Variants in TLN2 observed in about 807,000 individuals in gnomAD.
TLN2 encodes the protein talin-2.
In TLN2, 118 loss-of-function variants were observed where a neutral mutation model predicts 294.7. The observed-to-expected ratio is 0.40, with a 90% CI of 0.34 to 0.47. The LOEUF (loss-of-function observed/expected upper bound fraction) is 0.47, where lower values mean the gene tolerates loss of function less well. TLN2 is among the 20% of genes least tolerant of loss of function. The pLI is 0.84. For synonymous variants in TLN2, 1,431 were observed against 1,304.5 expected (o/e 1.10, Z -2.09); for missense variants, 3,083 against 3,282.2 (o/e 0.94, Z 1.48).
At chr15:62,761,531 T>A in intron 37 of TLN2, 150 bp from the exon 38 acceptor site, 1 of 1,078,832 alleles carries the variant, frequency 9.3e-7, no homozygotes. Flanking sequence ...AGGGGTCTCT[T>A]TCATCAGTTC....
chr15:62,532,596 G>C (rs2041109154), intron 1 of TLN2, among the ~76,000 whole-genome samples: 1 of 152,184 alleles, frequency 6.6e-6, no homozygotes, highest in South Asian at 2.1e-4. Context: ...CCTTGCAAGA[G>C]AGACCAGACC....
intron 54 of TLN2, 117 bp downstream of exon 54, chr15:62,820,727 C>G (rs2067489974): frequency 7.3e-7 from 1 of 1,369,114 alleles, no homozygotes; most frequent in Admixed American, 2.2e-5. Flanking sequence ...GTCAGACTAG[C>G]AAGCAGAAAA....
chr15:62,834,495 T>A (rs993416618), intron 55 of TLN2: 1 of 152,240 alleles, frequency 6.6e-6, no homozygotes. Context: ...ACAGGGAGGT[T>A]GTGCCTCACC....
intron 3 of TLN2, among the ~76,000 whole-genome samples, chr15:62,625,630 C>G (rs931514232): frequency 2.6e-5 from 4 of 152,074 alleles, no homozygotes; most frequent in Non-Finnish European, 5.9e-5. Context: ...TGGGGGAGGA[C>G]GGGAACTCCC....
chr15:62,511,026 TG>T (rs1325900051), intron 1 of TLN2, among the ~76,000 whole-genome samples: 2 of 152,244 alleles, frequency 1.3e-5, no homozygotes, highest in African/African-American at 4.8e-5. Flanking sequence ...TATTTTGTGC[TG>T]TTCATATCTC....
At chr15:62,760,853 T>C (rs2062618614) in intron 37 of TLN2, among the ~76,000 whole-genome samples, 1 of 152,214 alleles carries the variant, frequency 6.6e-6, no homozygotes, top group African/African-American at 2.4e-5. Context: ...AAACACGTTA[T>C]GTTTAGAGTT....
chr15:62,800,582 C>CAGAAGTAAAAGG (rs2065867725), intron 49 of TLN2, 71 bp from the exon 50 acceptor site: 1 of 1,609,442 alleles, frequency 6.2e-7, no homozygotes, highest in East Asian at 2.2e-5. Flanking sequence ...GCATGCGATC[C>CAGAAGTAAAAGG]AGAAGTAAAA....
rs777150163 is a variant in TLN2, at chr15:62,797,316, C to T, written c.6148C>T (p.Gln2050Ter). The T allele has an allele frequency of 6.2e-7, 1 of 1,613,764 alleles. No individual in the cohort carries two copies. The highest frequency in any genetic ancestry group is 1.7e-5 in the Admixed American group (1 of 60,028). ...STPDKLAQAA[Q>*]SSAATITQLA... Reference sequence around the variant, plus strand: ...TCCTGACAAGCTGGCCCAGGCGGCCCAGTCCTCAGCAGCCACCATCACCCA... The same window carrying T: ...TCCTGACAAGCTGGCCCAGGCGGCCTAGTCCTCAGCAGCCACCATCACCCA... Residue 2050 changes from glutamine (Q) to a stop codon, truncating the protein, a stop_gained, in exon 48 of 59, where the codon CAG becomes TAG. Transcript: ENST00000636159. LOFTEE classifies it high-confidence loss of function.
intron 1 of TLN2, among the ~76,000 whole-genome samples, chr15:62,396,712 G>A (rs2032579019): frequency 6.6e-6 from 1 of 151,404 alleles, no homozygotes; most frequent in African/African-American, 2.4e-5. Flanking sequence ...CAATTGAGAA[G>A]GCTTTCTTTT....
chr15:62,644,971 C>T (rs1280285716), intron 3 of TLN2: 6 of 202,434 alleles, frequency 3.0e-5, no homozygotes, highest in South Asian at 9.1e-5. Context: ...CCATCCTCAC[C>T]GTTGCATCCC....
At chr15:62,638,573 T>C (rs546908209) in intron 3 of TLN2, 1 of 456,062 alleles carries the variant, frequency 2.2e-6, no homozygotes, top group East Asian at 7.0e-5. Flanking sequence ...TCTAGCAGTG[T>C]GAACTTTGGG....
intron 52 of TLN2, among the ~76,000 whole-genome samples, chr15:62,817,681 T>C (rs2067222300): frequency 6.6e-6 from 1 of 152,116 alleles, no homozygotes; most frequent in Non-Finnish European, 1.5e-5. Context: ...TCTTTCCAGA[T>C]TCCTGAGAAA....
chr15:62,789,042 T>C (rs2064897147), intron 45 of TLN2, among the ~76,000 whole-genome samples: 1 of 152,222 alleles, frequency 6.6e-6, no homozygotes, highest in Admixed American at 6.5e-5. Context: ...AGAACAGGGC[T>C]GGCTGGGAAT....
intron 1 of TLN2, among the ~76,000 whole-genome samples, chr15:62,403,344 T>A (rs2033161206): frequency 6.6e-6 from 1 of 152,230 alleles, no homozygotes; most frequent in South Asian, 2.1e-4. Context: ...AGAACTGTCA[T>A]ACTCACTGAC....
intron 11 of TLN2, among the ~76,000 whole-genome samples, chr15:62,676,588 C>A (rs953103201): frequency 9.2e-5 from 14 of 152,140 alleles, no homozygotes; most frequent in African/African-American, 3.1e-4. Context: ...AAGCTATCAA[C>A]AACCCAAGGG....
chr15:62,779,810 C>G (rs2063997663), intron 43 of TLN2, among the ~76,000 whole-genome samples: 1 of 152,262 alleles, frequency 6.6e-6, no homozygotes, highest in Admixed American at 6.5e-5. Context: ...CTAAAAAAGT[C>G]TAGTGTGGAG....
At chr15:62,395,169 TG>T (rs2032434823) in intron 1 of TLN2, among the ~76,000 whole-genome samples, 1 of 147,202 alleles carries the variant, frequency 6.8e-6, no homozygotes, top group Non-Finnish European at 1.5e-5. Flanking sequence ...GCCCACACAT[TG>T]TGTTCCGAGG....
chr15:62,831,314 C>CA (rs2068822373), intron 54 of TLN2: 1 of 152,038 alleles, frequency 6.6e-6, no homozygotes, highest in Non-Finnish European at 1.5e-5. Flanking sequence ...GAAGAGCTCC[C>CA]ACAAGCCTCC....
intron 9 of TLN2, among the ~76,000 whole-genome samples, chr15:62,662,007 TAGTAA>T (rs919942442): frequency 2.0e-5 from 3 of 152,202 alleles, no homozygotes; most frequent in East Asian, 1.9e-4. Flanking sequence ...TATGCAGTTT[TAGTAA>T]AGTAATTTAA....
Sources: allele counts gnomAD v4.1 joint callset (sites outside exome capture counted in the v4.1 genomes callset), GRCh38; gene constraint gnomAD v4.1.1; transcripts MANE v1.5; gene names NCBI Gene and HGNC (gene_info 2026-07-23, HGNC 2026-07-21).